Variants in PPM1L observed in about 807,000 individuals in gnomAD.
The protein encoded by PPM1L is protein phosphatase 1L.
In PPM1L, 13 loss-of-function variants were observed where a neutral mutation model predicts 31.4. The ratio of observed to expected loss-of-function variants is 0.41; its 90% CI spans 0.27 to 0.66. PPM1L has a LOEUF of 0.66. PPM1L is among the 30% of genes least tolerant of loss of function. The pLI is 0.29. For missense variants in PPM1L, 326 were observed against 453.7 expected (o/e 0.72, Z 2.56); for synonymous variants, 184 against 175.4 (o/e 1.05, Z -0.39).
intron 2 of PPM1L, among the ~76,000 whole-genome samples, chr3:161,025,778 A>G (rs1209552183): frequency 6.6e-6 from 1 of 152,164 alleles, no homozygotes; most frequent in Non-Finnish European, 1.5e-5. Context: ...TAGCAGCACA[A>G]ATAAACTAAG....
chr3:160,843,847 C>T (rs1713986951), intron 1 of PPM1L, among the ~76,000 whole-genome samples: 1 of 152,120 alleles, frequency 6.6e-6, no homozygotes, highest in Admixed American at 6.6e-5. Context: ...TTTATTGCGG[C>T]ACTATTCACA....
intron 2 of PPM1L, among the ~76,000 whole-genome samples, chr3:161,029,072 TACAA>T (rs1202089777): frequency 1.3e-5 from 2 of 152,324 alleles, no homozygotes; most frequent in East Asian, 1.9e-4. Context: ...CCAGCACATA[TACAA>T]ACAAACAAAC....
intron 1 of PPM1L, among the ~76,000 whole-genome samples, chr3:160,819,344 TAG>T (rs1409841616): frequency 1.3e-5 from 2 of 152,060 alleles, no homozygotes; most frequent in Non-Finnish European, 2.9e-5. Context: ...GATGGAGGTC[TAG>T]ACTCTAGACC....
At chr3:160,832,694 A>G (rs1713560104) in intron 1 of PPM1L, among the ~76,000 whole-genome samples, 1 of 152,190 alleles carries the variant, frequency 6.6e-6, no homozygotes. Context: ...AGATATTAGC[A>G]TTGGTGCAAT....
chr3:161,059,747 A>G (rs1423748774), intron 2 of PPM1L, among the ~76,000 whole-genome samples: 2 of 152,112 alleles, frequency 1.3e-5, no homozygotes, highest in East Asian at 3.9e-4. Flanking sequence ...GCGGTTTCTC[A>G]TGAATGATTT....
chr3:161,047,753 A>C (rs1217702291), intron 2 of PPM1L, among the ~76,000 whole-genome samples: 1 of 147,812 alleles, frequency 6.8e-6, no homozygotes, highest in South Asian at 2.1e-4. Context: ...AGACCAATGT[A>C]ACAGAACAGA....
At position 160,756,453 on chromosome 3, in the gene PPM1L, G is replaced by C; in HGVS notation, c.145G>C (p.Val49Leu). 1 of 1,614,208 alleles carries C rather than the reference G, an allele frequency of 6.2e-7. No homozygotes were observed. The highest frequency in any genetic ancestry group is 1.1e-5 in the South Asian group (1 of 91,082). The change falls in exon 1 of 4, where the codon GTG becomes CTG. Residue 49 changes from valine (V) to leucine (L), a missense_variant. Transcript: ENST00000498165. This position sits in a 1 kb window ranked among gnomAD's most constrained non-coding sequence, Gnocchi z 6.2. ...CCACACCGACGAGGTGAAGACCATC[G>C]TGAAGTCCAGCCGGGACGCCGTGAA... ...FFHTDEVKTI[V>L]KSSRDAVKMV...
At chr3:161,000,254 C>A (rs1053778580) in intron 2 of PPM1L, among the ~76,000 whole-genome samples, 3 of 152,134 alleles carry the variant, frequency 2.0e-5, no homozygotes, top group African/African-American at 7.2e-5. Context: ...CAGATACAGA[C>A]ACTCATATTG....
intron 1 of PPM1L, among the ~76,000 whole-genome samples, chr3:160,911,127 A>G (rs1467222949): frequency 1.3e-5 from 2 of 152,160 alleles, no homozygotes; most frequent in Non-Finnish European, 1.5e-5. Context: ...TGGGATTTTC[A>G]TTGGTATTTT....
intron 2 of PPM1L, among the ~76,000 whole-genome samples, chr3:160,968,424 T>A (rs1307349148): frequency 6.6e-6 from 1 of 152,194 alleles, no homozygotes; most frequent in Non-Finnish European, 1.5e-5. Context: ...TTTTACACTG[T>A]CCAAAGCATC....
intron 1 of PPM1L, among the ~76,000 whole-genome samples, chr3:160,784,799 T>A (rs1046173396): frequency 2.6e-5 from 4 of 152,148 alleles, no homozygotes; most frequent in African/African-American, 9.7e-5. Flanking sequence ...GGTCAGTTGG[T>A]TAGTTGAAAG....
At chr3:161,059,400 T>A (rs892238065) in intron 2 of PPM1L, among the ~76,000 whole-genome samples, 3 of 152,070 alleles carry the variant, frequency 2.0e-5, no homozygotes, top group Non-Finnish European at 4.4e-5. Flanking sequence ...GGGTGTAAAG[T>A]GTATTTTGCT....
Position 160,756,857 on chromosome 3 carries a change from C to G in PPM1L, c.399+150C>G. The G allele has an allele frequency of 1.1e-6, 1 of 878,548 alleles. No individual in the cohort carries two copies. The highest frequency in any genetic ancestry group is 1.7e-6 in the Non-Finnish European group (1 of 589,528). The allele number at this position is 878,548 out of a possible 1,614,324, so 54.4% of individuals were successfully genotyped here. A position where few individuals can be genotyped will look rare whatever the true frequency, so the allele number is the denominator to read the frequency against. ...GGTGCGAGGGGCGTGGTGATGACAC[C>G]ACGGTGCCTGGCTGGACAAATGCGG... On this transcript the variant is annotated intron_variant, in intron 1 of 3. Transcript: ENST00000498165. The surrounding 1 kb of genome is among the most constrained non-coding windows in gnomAD (Gnocchi z 6.2).
At chr3:160,818,908 T>A (rs1206844311) in intron 1 of PPM1L, among the ~76,000 whole-genome samples, 3 of 151,938 alleles carry the variant, frequency 2.0e-5, no homozygotes, top group East Asian at 1.9e-4. Context: ...TTATTTATTT[T>A]TTTACTTGTG....
At chr3:160,953,336 T>C (rs1295952879) in intron 1 of PPM1L, among the ~76,000 whole-genome samples, 2 of 152,172 alleles carry the variant, frequency 1.3e-5, no homozygotes, top group African/African-American at 4.8e-5. Context: ...ATAAAATAGA[T>C]TATTTGTTAA....
chr3:160,880,608 G>C (rs1182098824), intron 1 of PPM1L, among the ~76,000 whole-genome samples: 1 of 148,158 alleles, frequency 6.7e-6, no homozygotes, highest in East Asian at 1.9e-4. Context: ...TCATATTACT[G>C]GTAAAATAGC....
intron 1 of PPM1L, among the ~76,000 whole-genome samples, chr3:160,869,429 G>A (rs1712219619): frequency 6.6e-6 from 1 of 152,074 alleles, no homozygotes; most frequent in African/African-American, 2.4e-5. Flanking sequence ...AAAAGCTCCT[G>A]GTTATTAAGG....
intron 2 of PPM1L, among the ~76,000 whole-genome samples, chr3:160,994,833 C>A (rs775444774): frequency 6.6e-6 from 1 of 152,036 alleles, no homozygotes; most frequent in Non-Finnish European, 1.5e-5. Flanking sequence ...AAGAGCTTGA[C>A]AGTATAGGGA....
At chr3:160,814,705 A>ATATATATATATG (rs1553808949) in intron 1 of PPM1L, among the ~76,000 whole-genome samples, 4 of 146,590 alleles carry the variant, frequency 2.7e-5, no homozygotes, top group African/African-American at 1.0e-4. Flanking sequence ...GTATATGTGT[A>ATATATATATATG]TATATATGTG....
Sources: allele counts gnomAD v4.1 joint callset (sites outside exome capture counted in the v4.1 genomes callset), GRCh38; gene constraint gnomAD v4.1.1; non-coding constraint Gnocchi (gnomAD v3.1); transcripts MANE v1.5; gene names NCBI Gene and HGNC (gene_info 2026-07-23, HGNC 2026-07-21).